CNNM2: variants seen among roughly 807,000 people sequenced by gnomAD.
The protein encoded by CNNM2 is metal transporter CNNM2.
A neutral mutation model predicts 66.9 loss-of-function variants in CNNM2; 12 were observed. That is an observed-to-expected ratio of 0.18 (90% CI 0.11 to 0.29). CNNM2 has a LOEUF of 0.29. Among genes scored for constraint, CNNM2 ranks in the 10% least tolerant of loss-of-function variants. CNNM2 has a pLI of 1.00. For missense variants in CNNM2, 705 were observed against 1,167.7 expected (o/e 0.60, Z 5.77); for synonymous variants, 557 against 501.8 (o/e 1.11, Z -1.47).
chr10:102,996,560 T>C (rs1234684380), intron 1 of CNNM2, among the ~76,000 whole-genome samples: 1 of 152,152 alleles, frequency 6.6e-6, no homozygotes, highest in Non-Finnish European at 1.5e-5. Flanking sequence ...TAAAAATCAG[T>C]TGGGCATGGT....
rs999940696 is a variant in CNNM2 at position 103,082,674 on chromosome 10, T to C, written c.*5494T>C. The C allele has an allele frequency of 6.6e-6, 1 of 152,284 alleles. No homozygotes were observed. Among genetic ancestry groups the C allele is most frequent in the Non-Finnish European group, 1.5e-5 (1 of 68,094 alleles). The allele number at this position is 152,284 out of a possible 1,614,324, so 9.4% of individuals were successfully genotyped here. ...CGGGTGAGAGGGTAGTGTTGTTTTTTATAAACAGGTTGCTGCTTTTATGTT... is the reference window on the plus strand; with the variant it reads ...CGGGTGAGAGGGTAGTGTTGTTTTTCATAAACAGGTTGCTGCTTTTATGTT... On this transcript the variant is annotated 3_prime_UTR_variant, in exon 8 of 8. Coordinates refer to ENST00000369878, the MANE Select transcript of CNNM2 (RefSeq NM_017649.5).
chr10:102,968,866 G>T (rs539683030), intron 1 of CNNM2, among the ~76,000 whole-genome samples: 4 of 150,062 alleles, frequency 2.7e-5, no homozygotes, highest in East Asian at 2.0e-4. Flanking sequence ...TTCTCAAAGT[G>T]CTGGGGTTAC....
rs71019651 is a variant in CNNM2 at position 103,034,972 on chromosome 10, C to CAAAAAAAAAAAAAAAAAAA, written c.1622-14717_1622-14716insAAAAAAAAAAAAAAAAAAA. Reference sequence around the variant, plus strand: ...TGGGCGACAGAGCGAGACTCCGTCTCAAAAAAAAAAAAAAAAAATCTCCTA... The same window carrying CAAAAAAAAAAAAAAAAAAA: ...TGGGCGACAGAGCGAGACTCCGTCTCAAAAAAAAAAAAAAAAAAAAAAAAAAAAAAAAAAAAATCTCCTA... On this transcript the variant is annotated intron_variant, in intron 1 of 7. Coordinates refer to ENST00000369878, the MANE Select transcript of CNNM2 (RefSeq NM_017649.5). 3.1e-3 allele frequency among the ~76,000 whole-genome samples: 218 copies of CAAAAAAAAAAAAAAAAAAA among 70,754 alleles called. 3 individuals are homozygous for CAAAAAAAAAAAAAAAAAAA. The highest frequency in any genetic ancestry group is 9.2e-3 in the East Asian group (18 of 1,956). The allele number at this position is 70,754 out of a possible 152,430, so 46.4% of individuals were successfully genotyped here.
chr10:103,090,213 G>A lies in CNNM2; in HGVS notation c.*13033G>A. The A allele has an allele frequency of 2.9e-6, 1 of 349,690 alleles. No homozygotes were observed. Among genetic ancestry groups the A allele is most frequent in the Non-Finnish European group, 5.2e-6 (1 of 193,620 alleles). 21.7% of individuals were successfully genotyped at this position (349,690 alleles called of 1,614,324 possible). A position where few individuals can be genotyped will look rare whatever the true frequency, so the allele number is the denominator to read the frequency against. On this transcript the variant is annotated 3_prime_UTR_variant, in exon 8 of 8. Coordinates refer to ENST00000369878, the MANE Select transcript of CNNM2 (RefSeq NM_017649.5). The stretch of plus-strand genomic sequence containing the variant: ...CTGAAACAGATCAGAATAAAGGAAT[G>A]TAAAAACCACATTTTCTTTTTCTTG...
rs938939032 is a variant in CNNM2, at chr10:103,036,608, C to T, written c.1622-13099C>T. On this transcript the variant is annotated intron_variant, in intron 1 of 7. Coordinates refer to ENST00000369878, the MANE Select transcript of CNNM2 (RefSeq NM_017649.5). ...CGAGGTGGGGTCTCTGCTACTCTCT[C>T]CAAAAACCGTTTCTCTCTTAGTTAT... Among the ~76,000 whole-genome samples the T allele has an allele frequency of 7.2e-5, 11 of 152,182 alleles. No individual in the cohort carries two copies. The highest frequency in any genetic ancestry group is 2.7e-4 in the African/African-American group (11 of 41,444).
chr10:102,981,744 A>G (rs1048041782), intron 1 of CNNM2, among the ~76,000 whole-genome samples: 15 of 151,844 alleles, frequency 9.9e-5, no homozygotes, highest in Non-Finnish European at 2.1e-4. Flanking sequence ...TATTGCCATA[A>G]TACTATATCT....
intron 1 of CNNM2, among the ~76,000 whole-genome samples, chr10:102,986,249 G>T (rs2063795219): frequency 6.6e-6 from 1 of 152,042 alleles, no homozygotes; most frequent in Non-Finnish European, 1.5e-5. Context: ...GTGTGATCTT[G>T]TCCTTACTTC....
In CNNM2 at chr10:102,964,675, T is replaced by G. The variant is rs1243175428; in HGVS notation, c.1621+44574T>G. 3.3e-5 allele frequency among the ~76,000 whole-genome samples: 5 copies of G among 152,302 alleles called. No individual in the cohort carries two copies. In the East Asian group the frequency reaches 9.6e-4, roughly 29 times the overall value. The stretch of plus-strand genomic sequence containing the variant: ...GAGAAGACATAAACTTGGGCTCTGC[T>G]ACTTGGTAGCTTTGGGCCTTGGTAA... On this transcript the variant is annotated intron_variant, in intron 1 of 7. Coordinates refer to ENST00000369878, the MANE Select transcript of CNNM2 (RefSeq NM_017649.5).
intron 1 of CNNM2, among the ~76,000 whole-genome samples, chr10:103,027,929 G>T (rs1452071813): frequency 1.3e-5 from 2 of 152,174 alleles, no homozygotes; most frequent in African/African-American, 4.8e-5. Context: ...GAAGGTAAAT[G>T]ACTTGCTCTC....
chr10:102,951,706 C>T (rs1252228289), intron 1 of CNNM2, among the ~76,000 whole-genome samples: 1 of 149,370 alleles, frequency 6.7e-6, no homozygotes, highest in Non-Finnish European at 1.5e-5. Flanking sequence ...TGGTCTGATC[C>T]TAGCTCACCG....
At position 102,919,755 on chromosome 10, in the gene CNNM2, C is replaced by T. The variant is rs767894648; in HGVS notation, c.1275C>T (p.Asn425=). 3.6e-5 allele frequency: 58 copies of T among 1,614,120 alleles called. No individual in the cohort carries two copies. The Admixed American group carries it at 7.0e-4, about 19-fold the overall frequency. ...LEMLRVTDPY[N]DLVKEELNII... is the part of the protein sequence containing the mutation. ...TGCTCCGGGTCACCGATCCCTACAACGACCTCGTTAAGGAGGAGCTGAACA... is the reference window on the plus strand; with the variant it reads ...TGCTCCGGGTCACCGATCCCTACAATGACCTCGTTAAGGAGGAGCTGAACA... The change falls in exon 1 of 8, where the codon AAC becomes AAT. Residue 425 remains asparagine, a synonymous_variant. Coordinates refer to ENST00000369878, the MANE Select transcript of CNNM2 (RefSeq NM_017649.5).
intron 1 of CNNM2, among the ~76,000 whole-genome samples, chr10:102,961,284 G>T (rs527582987): frequency 6.6e-6 from 1 of 152,170 alleles, no homozygotes; most frequent in Non-Finnish European, 1.5e-5. Context: ...ATAACACCAT[G>T]CTCTGGTAAT....
intron 1 of CNNM2, among the ~76,000 whole-genome samples, chr10:102,983,231 ATAAT>A (rs1032471658): frequency 9.3e-5 from 14 of 151,202 alleles, no homozygotes; most frequent in Admixed American, 3.3e-4. Context: ...TGCTTTTTTG[ATAAT>A]TAAGGAGTAA....
In CNNM2 at chr10:103,085,008, G is replaced by C. The variant is rs993143840; in HGVS notation, c.*7828G>C. 6.6e-6 allele frequency: 1 copy of C among 152,086 alleles called. No individual in the cohort carries two copies. The highest frequency in any genetic ancestry group is 2.4e-5 in the African/African-American group (1 of 41,402). The allele number at this position is 152,086 out of a possible 1,614,324, so 9.4% of individuals were successfully genotyped here. ...TTCCCTCCAAGGGCCTCATATCTGT[G>C]CTCTTATTTTCAAGCAGTCCCAGGA... On this transcript the variant is annotated 3_prime_UTR_variant, in exon 8 of 8. Coordinates refer to ENST00000369878, the MANE Select transcript of CNNM2 (RefSeq NM_017649.5).
At chr10:103,026,249 C>T (rs1015630013) in intron 1 of CNNM2, among the ~76,000 whole-genome samples, 5 of 152,188 alleles carry the variant, frequency 3.3e-5, no homozygotes, top group African/African-American at 9.6e-5. Flanking sequence ...TTTCTATTCT[C>T]TTAAGTTTTT....
At position 103,084,666 on chromosome 10, in the gene CNNM2, C is replaced by T. The variant is rs2065786682; in HGVS notation, c.*7486C>T. On this transcript the variant is annotated 3_prime_UTR_variant, in exon 8 of 8. Transcript: ENST00000369878. ...ATTTGCCTAAAACTCCCCCCTGCAT[C>T]CTCAGAGTGCGCACACATCCGCTCA... The T allele has an allele frequency of 6.6e-6, 1 of 152,196 alleles. No homozygotes were observed. Among genetic ancestry groups the T allele is most frequent in the Non-Finnish European group, 1.5e-5 (1 of 68,038 alleles). 9.4% of individuals were successfully genotyped at this position (152,196 alleles called of 1,614,324 possible).
intron 1 of CNNM2, among the ~76,000 whole-genome samples, chr10:102,946,766 A>C (rs545230045): frequency 6.6e-6 from 1 of 152,178 alleles, no homozygotes; most frequent in African/African-American, 2.4e-5. Context: ...TGCAACCGGG[A>C]TAGAACTTGA....
intron 1 of CNNM2, among the ~76,000 whole-genome samples, chr10:102,956,469 G>A (rs1847040700): frequency 6.6e-6 from 1 of 152,018 alleles, no homozygotes; most frequent in South Asian, 2.1e-4. Context: ...CCCATTACTG[G>A]ATATATACCC....
chr10:102,935,950 A>G (rs1233554671), intron 1 of CNNM2, among the ~76,000 whole-genome samples: 1 of 151,604 alleles, frequency 6.6e-6, no homozygotes, highest in Non-Finnish European at 1.5e-5. Context: ...TTTGGGTTCC[A>G]GGTGACCAGA....
Sources: allele counts gnomAD v4.1 joint callset (sites outside exome capture counted in the v4.1 genomes callset), GRCh38; gene constraint gnomAD v4.1.1; transcripts MANE v1.5; gene names NCBI Gene and HGNC (gene_info 2026-07-23, HGNC 2026-07-21).